The following BMAL1 variants were observed in gnomAD, a reference collection of about 807,000 sequenced individuals.
BMAL1 encodes the protein basic helix-loop-helix ARNT like 1, also known as basic helix-loop-helix ARNT-like protein 1.
chr11:13,281,940 T>C, the BMAL1 span, among the ~76,000 whole-genome samples: 2 of 152,256 alleles, frequency 1.3e-5, no homozygotes, highest in Non-Finnish European at 2.9e-5. Context: ...TAGCTTCTGC[T>C]ATTCACACTG....
the BMAL1 span, among the ~76,000 whole-genome samples, chr11:13,344,958 G>T: frequency 6.6e-6 from 1 of 152,238 alleles, no homozygotes; most frequent in Non-Finnish European, 1.5e-5. Context: ...TAGGTTGTGG[G>T]AATGCAGAGG....
the BMAL1 span, among the ~76,000 whole-genome samples, chr11:13,372,618 T>G: frequency 6.6e-6 from 1 of 152,128 alleles, no homozygotes. Flanking sequence ...GAGACTAGCC[T>G]GGGCAACGTG....
At chr11:13,310,230 G>T in the BMAL1 span, among the ~76,000 whole-genome samples, 2 of 152,214 alleles carry the variant, frequency 1.3e-5, no homozygotes, top group Non-Finnish European at 2.9e-5. Context: ...AAATCTCACT[G>T]TAGGTTTCTG....
At chr11:13,337,626 T>C in the BMAL1 span, among the ~76,000 whole-genome samples, 1 of 152,340 alleles carries the variant, frequency 6.6e-6, no homozygotes, top group African/African-American at 2.4e-5. Context: ...TTAAATAGAA[T>C]CTTTGCTAAT....
the BMAL1 span, among the ~76,000 whole-genome samples, chr11:13,327,664 T>C: frequency 6.6e-6 from 1 of 152,194 alleles, no homozygotes; most frequent in Non-Finnish European, 1.5e-5. Flanking sequence ...TTTTTCTGAT[T>C]GTTACCATCA....
At chr11:13,361,205 G>A in the BMAL1 span, among the ~76,000 whole-genome samples, 8 of 152,286 alleles carry the variant, frequency 5.3e-5, no homozygotes, top group South Asian at 1.7e-3. Context: ...TCTCTGTCTT[G>A]CTAAATCTCT....
chr11:13,293,022 C>G, the BMAL1 span, among the ~76,000 whole-genome samples: 1 of 152,182 alleles, frequency 6.6e-6, no homozygotes, highest in African/African-American at 2.4e-5. Flanking sequence ...ATGAGGAAAG[C>G]TAGCGGTCTG....
chr11:13,364,743 T>A, the BMAL1 span, among the ~76,000 whole-genome samples: 12 of 152,352 alleles, frequency 7.9e-5, no homozygotes, highest in African/African-American at 2.6e-4. Flanking sequence ...CCTATCTTAA[T>A]GGCTGGCTTT....
chr11:13,380,932 C>T, the BMAL1 span: 971 of 470,740 alleles, frequency 2.1e-3, 16 homozygotes, highest in East Asian at 0.03. Context: ...TTTATTGGAA[C>T]ACAGCCACAC....
At chr11:13,299,066 C>T in the BMAL1 span, among the ~76,000 whole-genome samples, 3 of 152,134 alleles carry the variant, frequency 2.0e-5, no homozygotes, top group African/African-American at 7.2e-5. Context: ...CTTTTTAATC[C>T]ATCAGGACCC....
At chr11:13,374,404 G>C in the BMAL1 span, among the ~76,000 whole-genome samples, 2 of 152,172 alleles carry the variant, frequency 1.3e-5, no homozygotes, top group Non-Finnish European at 1.5e-5. Context: ...TGTGCTGACT[G>C]CATGGCAGTT....
chr11:13,318,184 A>G, the BMAL1 span, among the ~76,000 whole-genome samples: 1 of 152,222 alleles, frequency 6.6e-6, no homozygotes, highest in South Asian at 2.1e-4. Context: ...TCTCTGCTTA[A>G]TATAACTAAT....
chr11:13,371,531 TCTA>T, the BMAL1 span, among the ~76,000 whole-genome samples: 2 of 152,226 alleles, frequency 1.3e-5, no homozygotes, highest in African/African-American at 4.8e-5. Flanking sequence ...ACTTCTGTTT[TCTA>T]CTGTCTTCCA....
At chr11:13,356,658 T>A in the BMAL1 span, 1 of 1,534,422 alleles carries the variant, frequency 6.5e-7, no homozygotes, top group Non-Finnish European at 8.9e-7. Flanking sequence ...TCTGGATAAA[T>A]GAGAGCCTTC....
chr11:13,381,103 C>T, the BMAL1 span: 4 of 1,564,508 alleles, frequency 2.6e-6, no homozygotes, highest in Non-Finnish European at 1.8e-6. Context: ...TACCCCTTAA[C>T]AAAGCACATA....
the BMAL1 span, among the ~76,000 whole-genome samples, chr11:13,289,371 GT>G: frequency 5.9e-5 from 9 of 152,122 alleles, no homozygotes; most frequent in Admixed American, 1.3e-4. Context: ...ATAGGGCCAT[GT>G]TTTTTGTTTA....
At chr11:13,325,452 T>C in the BMAL1 span, among the ~76,000 whole-genome samples, 1 of 152,218 alleles carries the variant, frequency 6.6e-6, no homozygotes, top group Non-Finnish European at 1.5e-5. Context: ...TTCTTTTTTT[T>C]TCTTTTTTTT....
At chr11:13,356,930 C>A in the BMAL1 span, 1 of 1,584,942 alleles carries the variant, frequency 6.3e-7, no homozygotes, top group East Asian at 2.3e-5. Context: ...GTCCCTCCAA[C>A]CCCCAGTCCC....
the BMAL1 span, among the ~76,000 whole-genome samples, chr11:13,294,240 G>GA: frequency 2.0e-5 from 3 of 151,994 alleles, no homozygotes; most frequent in Non-Finnish European, 4.4e-5. Flanking sequence ...GACTTTACTG[G>GA]AAAAAAACAG....
Sources: gnomAD v4.1 joint callset for allele counts (sites outside exome capture counted in the v4.1 genomes callset) on GRCh38, gnomAD v4.1.1 for gene constraint, MANE v1.5 for transcripts, NCBI Gene and HGNC (gene_info 2026-07-23, HGNC 2026-07-21) for gene names.